Variants in PMM2 observed in about 807,000 individuals in gnomAD.
PMM2 encodes the protein phosphomannomutase 2, also known as mannose-6-phosphate isomerase.
In PMM2, 35 loss-of-function variants were observed where a neutral mutation model predicts 33.2. That is an observed-to-expected ratio of 1.06 (90% CI 0.81 to 1.40). PMM2 has a LOEUF of 1.40. Ranked by LOEUF, PMM2 falls within the 40% of genes most tolerant of loss-of-function variation. The pLI, the probability that PMM2 is intolerant of heterozygous loss-of-function variation, is 0.00. For synonymous variants in PMM2, 153 were observed against 114.7 expected (o/e 1.33, Z -2.13); for missense variants, 386 against 306.0 (o/e 1.26, Z -1.95).
At chr16:8,817,101 G>A (rs937265974) in intron 7 of PMM2, among the ~76,000 whole-genome samples, 1 of 152,190 alleles carries the variant, frequency 6.6e-6, no homozygotes, top group African/African-American at 2.4e-5. Flanking sequence ...CTGTTTAAAT[G>A]AGTGTGCTTT....
intron 7 of PMM2, among the ~76,000 whole-genome samples, chr16:8,834,748 A>G (rs1164165658): frequency 4.4e-4 from 67 of 152,064 alleles, no homozygotes; most frequent in Non-Finnish European, 6.0e-4. Context: ...CTTTGCTGCT[A>G]TGTGGCGATT....
chr16:8,848,656 G>A lies in PMM2; in HGVS notation c.*831G>A, dbSNP rs756612790. ...CTTACCCAGGTCCAGAGAAACCAAC[G>A]CGGGATGTCAGACTTCACCAAAAGG... On this transcript the variant is annotated 3_prime_UTR_variant, in exon 8 of 8. Transcript: ENST00000268261. The A allele has an allele frequency of 5.3e-5, 8 of 152,128 alleles. No homozygotes were observed. Among genetic ancestry groups the A allele is most frequent in the Admixed American group, 6.5e-5 (1 of 15,284 alleles). 9.4% of individuals were successfully genotyped at this position (152,128 alleles called of 1,614,324 possible).
In PMM2 at chr16:8,804,823, G is replaced by C. The variant is rs201979729; in HGVS notation, c.235G>C (p.Gly79Arg). ...AAATGGCTTGGTAGCATACAAAGAT[G>C]GGAAACTCTTGTGTAGACAGGTAGG... is the stretch of plus-strand genomic sequence containing the variant. ...PENGLVAYKDGKLLCRQNIQS... is the reference protein window; with the variant it reads ...PENGLVAYKDRKLLCRQNIQS... The change falls in exon 3 of 8, where the codon GGG (glycine) becomes CGG (arginine). Residue 79 changes from glycine (G) to arginine (R), a missense_variant. Transcript: ENST00000268261. 5.5e-5 allele frequency: 88 copies of C among 1,610,418 alleles called. No homozygotes were observed. The highest frequency in any genetic ancestry group is 1.3e-5 in the African/African-American group (1 of 74,844).
intron 2 of PMM2, among the ~76,000 whole-genome samples, chr16:8,803,328 C>T (rs188738080): frequency 2.0e-5 from 3 of 152,168 alleles, no homozygotes; most frequent in Admixed American, 6.5e-5. Flanking sequence ...CTGGGGATCA[C>T]GAAGCCCTGA....
intron 7 of PMM2, among the ~76,000 whole-genome samples, chr16:8,835,189 T>A (rs1279479303): frequency 6.6e-6 from 1 of 151,074 alleles, no homozygotes; most frequent in Non-Finnish European, 1.5e-5. Context: ...GGTGTGGTCC[T>A]GGCTGTTGTG....
intron 7 of PMM2, among the ~76,000 whole-genome samples, chr16:8,837,338 T>C (rs774177421): frequency 7.2e-5 from 11 of 152,016 alleles, no homozygotes; most frequent in Non-Finnish European, 1.5e-4. Context: ...CTGTCGAGTT[T>C]GTATTGGGGT....
intron 4 of PMM2, 157 bp from the exon 5 acceptor site, chr16:8,810,922 T>C: frequency 1.5e-6 from 1 of 668,212 alleles, no homozygotes; most frequent in South Asian, 1.6e-5. Context: ...ATAGTCACAG[T>C]AGTTCATGGC....
At chr16:8,804,975 A>G (rs544731393) in intron 3 of PMM2, 132 bp downstream of exon 3, 3 of 670,310 alleles carry the variant, frequency 4.5e-6, no homozygotes, top group East Asian at 5.4e-5. Flanking sequence ...TTTGTTTTGC[A>G]TTTTGAACCA....
At chr16:8,817,400 G>C (rs1266658234) in intron 7 of PMM2, among the ~76,000 whole-genome samples, 1 of 152,190 alleles carries the variant, frequency 6.6e-6, no homozygotes, top group Non-Finnish European at 1.5e-5. Context: ...TCTCTAGCTT[G>C]GTGCCATTTC....
At chr16:8,827,217 C>T (rs767537601) in intron 7 of PMM2, among the ~76,000 whole-genome samples, 18 of 151,838 alleles carry the variant, frequency 1.2e-4, no homozygotes, top group Non-Finnish European at 2.2e-4. Context: ...GAGTCCCCAG[C>T]TGTCAGAAAG....
chr16:8,810,652 C>T (rs549272763), intron 4 of PMM2: 149 of 287,770 alleles, frequency 5.2e-4, no homozygotes, highest in Non-Finnish European at 7.9e-4. Context: ...TCTCAGCTCA[C>T]TATAACCCCT....
At chr16:8,832,865 G>C in intron 7 of PMM2, 1 of 985,410 alleles carries the variant, frequency 1.0e-6, no homozygotes, top group Non-Finnish European at 1.2e-6. Flanking sequence ...GTGCCCTCAC[G>C]TCCCTCAGAT....
chr16:8,821,986 A>G (rs184786679), intron 7 of PMM2, among the ~76,000 whole-genome samples: 2 of 152,256 alleles, frequency 1.3e-5, no homozygotes, highest in African/African-American at 4.8e-5. Flanking sequence ...CTGCCTAGAC[A>G]AGAGCCGATT....
At chr16:8,828,153 G>A (rs2060789251) in intron 7 of PMM2, among the ~76,000 whole-genome samples, 1 of 145,738 alleles carries the variant, frequency 6.9e-6, no homozygotes, top group South Asian at 2.1e-4. Context: ...AAATTAATAA[G>A]TCTTATCTAA....
chr16:8,815,351 C>T (rs1377678876), intron 7 of PMM2, among the ~76,000 whole-genome samples: 1 of 151,966 alleles, frequency 6.6e-6, no homozygotes, highest in Non-Finnish European at 1.5e-5. Context: ...CCTCAGCCTC[C>T]CGATTAGTGG....
At chr16:8,836,401 G>C (rs1232271339) in intron 7 of PMM2, among the ~76,000 whole-genome samples, 1 of 152,004 alleles carries the variant, frequency 6.6e-6, no homozygotes, top group Non-Finnish European at 1.5e-5. Context: ...GTCCCGCACA[G>C]ATGGGACGCG....
At chr16:8,846,005 C>T (rs924693873) in intron 7 of PMM2, among the ~76,000 whole-genome samples, 1 of 152,148 alleles carries the variant, frequency 6.6e-6, no homozygotes, top group Non-Finnish European at 1.5e-5. Context: ...CAGATGGTGG[C>T]CATGCAATTC....
Position 8,804,057 on chromosome 16 carries a change from T to A in PMM2, c.179-710T>A, listed in dbSNP as rs183892943. On this transcript the variant is annotated intron_variant, in intron 2 of 7. Transcript: ENST00000268261. ...TTTTTTTTTTTTTTTTTTTTGACGT[T>A]AGACAGAGTCTTGCACCGTTGCCGA... Among the ~76,000 whole-genome samples, 293 of 145,118 alleles carry A rather than the reference T, an allele frequency of 2.0e-3. 5 individuals are homozygous for A. Among genetic ancestry groups the A allele is most frequent in the African/African-American group, 7.3e-3 (281 of 38,262 alleles).
At chr16:8,832,679 G>A (rs534525147) in intron 7 of PMM2, 11 of 985,366 alleles carry the variant, frequency 1.1e-5, no homozygotes, top group African/African-American at 1.7e-5. Flanking sequence ...CCCCGCACCC[G>A]TTCTCCAGAA....
Sources: gnomAD v4.1 joint callset for allele counts (sites outside exome capture counted in the v4.1 genomes callset) on GRCh38, gnomAD v4.1.1 for gene constraint, MANE v1.5 for transcripts, NCBI Gene and HGNC (gene_info 2026-07-23, HGNC 2026-07-21) for gene names.